RARB: variants seen among roughly 807,000 people sequenced by gnomAD.
The protein encoded by RARB is retinoic acid receptor beta.
RARB carries 17 observed loss-of-function variants against 51.9 expected under a neutral mutation model. The observed-to-expected ratio is 0.33, with a 90% CI of 0.22 to 0.49. The LOEUF is 0.49. Ranked by LOEUF, RARB falls within the 20% of genes least tolerant of loss-of-function variation. RARB has a pLI of 0.99. For missense variants in RARB, 369 were observed against 550.8 expected (o/e 0.67, Z 3.30); for synonymous variants, 215 against 195.4 (o/e 1.10, Z -0.84).
intron 2 of RARB, among the ~76,000 whole-genome samples, chr3:25,046,401 C>G (rs1251995167): frequency 6.6e-6 from 1 of 152,280 alleles, no homozygotes; most frequent in Middle Eastern, 3.4e-3. Flanking sequence ...TTCTGGAAGG[C>G]AGCACTCTTT....
intron 2 of RARB, among the ~76,000 whole-genome samples, chr3:24,988,905 A>G (rs1696851768): frequency 6.6e-6 from 1 of 152,122 alleles, no homozygotes; most frequent in Admixed American, 6.5e-5. Context: ...GGCTCACTGC[A>G]ACCTCCGCTT....
rs567664522 is a variant in RARB, at chr3:25,403,009, A to C, written c.179-58184A>C. 2.7e-3 allele frequency among the ~76,000 whole-genome samples: 410 copies of C among 152,224 alleles called. 2 individuals carry two copies. Among genetic ancestry groups the C allele is most frequent in the African/African-American group, 9.4e-3 (390 of 41,552 alleles). The stretch of plus-strand genomic sequence containing the variant: ...GAAACCCCATCTCTACTAAAAACAC[A>C]AAAATTAGCTGGGCATGGTGGTGGG... On this transcript the variant is annotated intron_variant, in intron 5 of 11. Coordinates refer to the RARB transcript ENST00000383772.
chr3:25,588,233 T>C (rs1487572290), intron 5 of RARB, among the ~76,000 whole-genome samples: 1 of 152,210 alleles, frequency 6.6e-6, no homozygotes, highest in African/African-American at 2.4e-5. Flanking sequence ...ACAGAGAATA[T>C]TGAGTGAATA....
At position 25,024,258 on chromosome 3, in the gene RARB, T is replaced by G. The variant is rs553752957; in HGVS notation, c.-379-35867T>G. 1.2e-4 allele frequency among the ~76,000 whole-genome samples: 19 copies of G among 152,344 alleles called. 1 individual carries two copies. The South Asian group carries it at 3.9e-3, about 32-fold the overall frequency. On this transcript the variant is annotated intron_variant, in intron 2 of 11. Transcript: ENST00000383772. ...TTTTCTAATTTTTGAAAGGATTGTT[T>G]GATTTAGTAGGTGCGGCCAAAATAC...
At chr3:25,329,829 T>C (rs979539844) in intron 5 of RARB, among the ~76,000 whole-genome samples, 1 of 152,130 alleles carries the variant, frequency 6.6e-6, no homozygotes, top group Non-Finnish European at 1.5e-5. Flanking sequence ...AATGGCCTGA[T>C]GGAGCTAAAA....
intron 5 of RARB, among the ~76,000 whole-genome samples, chr3:25,399,548 T>C (rs6802733): frequency 0.13 from 19,422 of 152,146 alleles, 1,438 homozygotes; most frequent in African/African-American, 0.2. Flanking sequence ...TAGCAGCCAG[T>C]TTGCAAACAT....
intron 4 of RARB, among the ~76,000 whole-genome samples, chr3:25,171,485 TAAAAAAAAAA>T (rs10559921): frequency 1.0e-4 from 1 of 9,966 alleles, no homozygotes; most frequent in African/African-American, 4.9e-4. Context: ...ATAAGCAGTT[TAAAAAAAAAA>T]AAAAAAAAAA....
intron 2 of RARB, among the ~76,000 whole-genome samples, chr3:24,920,321 A>G (rs1218418140): frequency 6.6e-6 from 1 of 152,218 alleles, no homozygotes; most frequent in East Asian, 1.9e-4. Flanking sequence ...CTTAATATAT[A>G]ATGGAAAGAT....
intron 5 of RARB, among the ~76,000 whole-genome samples, chr3:25,349,412 G>A (rs75702055): frequency 0.032 from 4,938 of 152,236 alleles, 281 homozygotes; most frequent in African/African-American, 0.11. Flanking sequence ...TGTCACTTGC[G>A]TTGGGAAATG....
At chr3:25,397,798 C>T (rs1442017741) in intron 5 of RARB, among the ~76,000 whole-genome samples, 1 of 151,764 alleles carries the variant, frequency 6.6e-6, no homozygotes, top group African/African-American at 2.4e-5. Context: ...GGGCCTTAAT[C>T]TCTTCATTTA....
rs374527189 is a variant in RARB at position 25,012,911 on chromosome 3, T to C, written c.-379-47214T>C. ...AGAGATTATGAGGTACTTAGAATAG[T>C]TTCTGACACCAAACTTAAGACTCTG... On this transcript the variant is annotated intron_variant, in intron 2 of 11. Transcript: ENST00000383772. Among the ~76,000 whole-genome samples, 15 of 152,162 alleles carry C rather than the reference T, an allele frequency of 9.9e-5. No individual in the cohort carries two copies. The Middle Eastern group carries it at 0.017, about 173-fold the overall frequency.
At chr3:25,184,779 C>G (rs1381795745) in intron 5 of RARB, among the ~76,000 whole-genome samples, 1 of 152,050 alleles carries the variant, frequency 6.6e-6, no homozygotes, top group Non-Finnish European at 1.5e-5. Flanking sequence ...ATACTCCCAG[C>G]GCTTTGCGGG....
intron 5 of RARB, among the ~76,000 whole-genome samples, chr3:25,404,730 G>T (rs1575376549): frequency 6.6e-6 from 1 of 152,116 alleles, no homozygotes; most frequent in African/African-American, 2.4e-5. Context: ...AAAGAGAAAA[G>T]CTTCTTGTGA....
At chr3:25,462,762 G>A (rs572811103) in intron 2 of RARB, among the ~76,000 whole-genome samples, 155 of 152,314 alleles carry the variant, frequency 1.0e-3, no homozygotes, top group African/African-American at 3.6e-3. Context: ...TCTGCTTCTA[G>A]GGGTGCTGAC....
intron 1 of RARB, among the ~76,000 whole-genome samples, chr3:25,450,270 T>TC (rs1427722315): frequency 6.6e-6 from 1 of 152,200 alleles, no homozygotes; most frequent in South Asian, 2.1e-4. Flanking sequence ...AATCCACTTT[T>TC]CCCCAGATAA....
intron 5 of RARB, among the ~76,000 whole-genome samples, chr3:25,214,957 G>A (rs1701790397): frequency 6.6e-6 from 1 of 152,164 alleles, no homozygotes; most frequent in South Asian, 2.1e-4. Flanking sequence ...ATACACAATA[G>A]CAACATGAAT....
intron 2 of RARB, among the ~76,000 whole-genome samples, chr3:24,985,952 G>C (rs571831861): frequency 6.6e-6 from 1 of 152,302 alleles, no homozygotes; most frequent in South Asian, 2.1e-4. Context: ...CAGAGACTTA[G>C]CGCTCATCTG....
chr3:25,272,240 C>T (rs976296770), intron 5 of RARB, among the ~76,000 whole-genome samples: 2 of 152,210 alleles, frequency 1.3e-5, no homozygotes, highest in Non-Finnish European at 2.9e-5. Context: ...GTGCTGGCCA[C>T]ATGACACTGA....
intron 2 of RARB, among the ~76,000 whole-genome samples, chr3:25,009,502 C>G (rs534983068): frequency 6.6e-6 from 1 of 152,234 alleles, no homozygotes; most frequent in East Asian, 1.9e-4. Context: ...GTCCAGTAAG[C>G]AGCTCCAACT....
Sources: allele counts gnomAD v4.1 joint callset (sites outside exome capture counted in the v4.1 genomes callset), GRCh38; gene constraint gnomAD v4.1.1; transcripts MANE v1.5; gene names NCBI Gene and HGNC (gene_info 2026-07-23, HGNC 2026-07-21).